Variants in AK7 observed in about 807,000 individuals in gnomAD.
The protein encoded by AK7 is ATP-AMP transphosphorylase 7.
In AK7, 78 loss-of-function variants were observed where a neutral mutation model predicts 96.6. The observed-to-expected ratio is 0.81, with a 90% CI of 0.67 to 0.97. AK7 has a LOEUF of 0.97. Ranked by LOEUF, AK7 falls within the 50% of genes least tolerant of loss-of-function variation. The pLI, the probability that AK7 is intolerant of heterozygous loss-of-function variation, is 0.00. For missense variants in AK7, 855 were observed against 887.9 expected (o/e 0.96, Z 0.47); for synonymous variants, 302 against 317.2 (o/e 0.95, Z 0.51).
rs574150151 is a variant in AK7 at position 96,400,124 on chromosome 14, C to A, written c.294+1861C>A. ...CGCGATCTCGGCTTACTGCAACCTT[C>A]GCCTCCTGGGTTCAAGCGATTCTCC... is the stretch of plus-strand genomic sequence containing the variant. On this transcript the variant is annotated intron_variant, in intron 2 of 17. Transcript: ENST00000267584. Among the ~76,000 whole-genome samples the A allele has an allele frequency of 2.8e-5, 4 of 144,370 alleles. No homozygotes were observed. In the East Asian group the frequency reaches 6.1e-4, roughly 22 times the overall value. 94.7% of individuals were successfully genotyped at this position (144,370 alleles called of 152,430 possible).
intron 5 of AK7, among the ~76,000 whole-genome samples, chr14:96,421,171 G>A (rs936086895): frequency 2.0e-5 from 3 of 152,126 alleles, no homozygotes; most frequent in South Asian, 2.1e-4. Context: ...AAGCTGTTTG[G>A]CCCAAAAGAG....
chr14:96,472,525 C>A (rs1338149417), intron 13 of AK7, among the ~76,000 whole-genome samples, 162 bp from the exon 14 acceptor site: 1 of 152,168 alleles, frequency 6.6e-6, no homozygotes, highest in African/African-American at 2.4e-5. Flanking sequence ...ATCCATGCAT[C>A]TATCAATGTA....
chr14:96,428,985 A>G (rs1892191553), intron 5 of AK7, among the ~76,000 whole-genome samples: 1 of 152,066 alleles, frequency 6.6e-6, no homozygotes, highest in Non-Finnish European at 1.5e-5. Flanking sequence ...CCATTTGTCT[A>G]TTTTGGCTTC....
chr14:96,425,480 A>AT (rs35861988), intron 5 of AK7, among the ~76,000 whole-genome samples: 1,740 of 119,074 alleles, frequency 0.015, 94 homozygotes, highest in African/African-American at 0.034. Flanking sequence ...AGTCACACTG[A>AT]TTTTTTTTTT....
rs1893028641 is a variant in AK7, at chr14:96,442,788, T to C, written c.749T>C (p.Ile250Thr). The C allele has an allele frequency of 6.2e-7, 1 of 1,614,084 alleles. No homozygotes were observed. Among genetic ancestry groups the C allele is most frequent in the African/African-American group, 1.3e-5 (1 of 74,950 alleles). ...LPVFGDGTNV[I>T]PTIHVLDLAG... ...GTTTTTGGCGATGGAACAAATGTAA[T>C]TCCAACAATCCATGTTCTTGATCTA... Residue 250 changes from isoleucine to threonine, a missense_variant, in exon 7 of 18, where the codon ATT becomes ACT. Transcript: ENST00000267584.
At position 96,486,981 on chromosome 14, in the gene AK7, C is replaced by T. The variant is rs745766338; in HGVS notation, c.2058C>T (p.Thr686=). 1.7e-5 allele frequency: 28 copies of T among 1,613,960 alleles called. No individual in the cohort carries two copies. The Admixed American group carries it at 4.5e-4, about 26-fold the overall frequency. The change falls in exon 17 of 18, where the codon ACC becomes ACT. Residue 686 remains threonine, a synonymous_variant. Coordinates refer to ENST00000267584, the MANE Select transcript of AK7 (RefSeq NM_152327.5). ...QSIPLRNYLM[T]YVMPTLIQGL... ...TTCCCCTGAGAAACTATTTAATGAC[C>T]TATGTGATGCCAACTCTTATTCAGG...
Position 96,458,145 on chromosome 14 carries a change from G to A in AK7, c.1290G>A (p.Glu430=). 1 of 1,614,074 alleles carries A rather than the reference G, an allele frequency of 6.2e-7. No homozygotes were observed. The highest frequency in any genetic ancestry group is 1.1e-5 in the South Asian group (1 of 91,078). The change falls in exon 12 of 18, where the codon GAG becomes GAA. Residue 430 remains glutamate, a synonymous_variant. Coordinates refer to ENST00000267584, the MANE Select transcript of AK7 (RefSeq NM_152327.5). ...EGEEEVEEEE[E]EENVEDAQEL... ...AAGAAGAAGTCGAAGAGGAAGAGGA[G>A]GAGGAGAATGTGGAAGATGCACAGG...
intron 11 of AK7, chr14:96,456,803 G>T: frequency 4.2e-6 from 1 of 235,542 alleles, no homozygotes; most frequent in Non-Finnish European, 8.5e-6. Context: ...CTCAGGGGTC[G>T]GGGGATGTTA....
At chr14:96,425,271 G>A (rs2140052560) in intron 5 of AK7, among the ~76,000 whole-genome samples, 1 of 152,280 alleles carries the variant, frequency 6.6e-6, no homozygotes, top group South Asian at 2.1e-4. Flanking sequence ...CACAGTCTAT[G>A]CACTCCAGAG....
intron 11 of AK7, among the ~76,000 whole-genome samples, chr14:96,457,528 G>T (rs1191971428): frequency 6.6e-6 from 1 of 152,108 alleles, no homozygotes; most frequent in African/African-American, 2.4e-5. Flanking sequence ...ACTCTACAGG[G>T]CTGTCCTCTG....
At chr14:96,413,059 C>T (rs1052180764) in intron 4 of AK7, among the ~76,000 whole-genome samples, 1 of 152,130 alleles carries the variant, frequency 6.6e-6, no homozygotes, top group African/African-American at 2.4e-5. Context: ...GTCTGTTTTC[C>T]AGTAGAAGTT....
chr14:96,430,833 G>A (rs918279963), intron 5 of AK7, among the ~76,000 whole-genome samples: 24 of 152,088 alleles, frequency 1.6e-4, no homozygotes, highest in South Asian at 4.1e-4. Context: ...GATTGGATTC[G>A]TTTCAGAAGG....
intron 14 of AK7, among the ~76,000 whole-genome samples, chr14:96,475,628 G>A (rs1275273273): frequency 6.6e-6 from 1 of 152,136 alleles, no homozygotes. Flanking sequence ...GTATTGGCTA[G>A]GCCTGGGAAG....
chr14:96,441,032 G>T (rs759820394), intron 6 of AK7, among the ~76,000 whole-genome samples: 1 of 152,048 alleles, frequency 6.6e-6, no homozygotes, highest in Non-Finnish European at 1.5e-5. Flanking sequence ...GTAGATAAGA[G>T]GCAAGCGGGC....
At chr14:96,401,023 G>A (rs1297031313) in intron 2 of AK7, among the ~76,000 whole-genome samples, 2 of 152,104 alleles carry the variant, frequency 1.3e-5, no homozygotes, top group Non-Finnish European at 2.9e-5. Flanking sequence ...TATTGGTCAC[G>A]GGGTCCTCAG....
intron 15 of AK7, among the ~76,000 whole-genome samples, chr14:96,482,369 C>T (rs992106069): frequency 2.6e-5 from 4 of 152,292 alleles, no homozygotes; most frequent in African/African-American, 2.4e-5. Context: ...TGCTGCACAT[C>T]GTTCTCTGCA....
chr14:96,459,449 G>T (rs1894134655), intron 12 of AK7, among the ~76,000 whole-genome samples: 1 of 152,010 alleles, frequency 6.6e-6, no homozygotes, highest in African/African-American at 2.4e-5. Flanking sequence ...TCAGTTGGTT[G>T]TCCTTTTAAT....
chr14:96,463,415 AAAT>A (rs1006277057), intron 12 of AK7, among the ~76,000 whole-genome samples: 2 of 151,676 alleles, frequency 1.3e-5, no homozygotes, highest in East Asian at 1.9e-4. Flanking sequence ...GTGTTAAAAA[AAAT>A]AATAATAATA....
intron 15 of AK7, among the ~76,000 whole-genome samples, chr14:96,479,739 AC>A (rs1950485193): frequency 1.3e-5 from 2 of 151,888 alleles, no homozygotes; most frequent in East Asian, 3.9e-4. Context: ...CCCCTGACCT[AC>A]CTTTCTGGTT....
Sources: allele counts gnomAD v4.1 joint callset (sites outside exome capture counted in the v4.1 genomes callset), GRCh38; gene constraint gnomAD v4.1.1; transcripts MANE v1.5; gene names NCBI Gene and HGNC (gene_info 2026-07-23, HGNC 2026-07-21).